Variants in ASTN2 observed in about 807,000 individuals in gnomAD.
The protein encoded by ASTN2 is astrotactin 2.
In ASTN2, 54 loss-of-function variants were observed where a neutral mutation model predicts 139.8. The observed-to-expected ratio is 0.39, with a 90% confidence interval of 0.31 to 0.48. ASTN2 has a LOEUF of 0.48. Ranked by LOEUF, ASTN2 falls within the 20% of genes least tolerant of loss-of-function variation. The pLI, the probability that ASTN2 is intolerant of heterozygous loss-of-function variation, is 0.95. For missense variants in ASTN2, 1,565 were observed against 1,725.1 expected, an observed-to-expected ratio of 0.91 and a Z score of 1.64; for synonymous variants, 756 against 719.5, an observed-to-expected ratio of 1.05 and a Z score of -0.81.
chr9:117,324,188 G>A (rs543527961), intron 1 of ASTN2, among the ~76,000 whole-genome samples: 1 of 152,302 alleles, frequency 6.6e-6, no homozygotes, highest in Non-Finnish European at 1.5e-5. Flanking sequence ...GCTATAGGAT[G>A]AGTAGAATTT....
chr9:116,880,968 G>T (rs746528312), intron 10 of ASTN2, among the ~76,000 whole-genome samples: 6 of 152,202 alleles, frequency 3.9e-5, no homozygotes, highest in Non-Finnish European at 7.3e-5. Flanking sequence ...TCCTCAAAAT[G>T]AAGCGATGAC....
At chr9:116,821,010 T>C (rs1564286158) in intron 11 of ASTN2, among the ~76,000 whole-genome samples, 3 of 152,148 alleles carry the variant, frequency 2.0e-5, no homozygotes, top group African/African-American at 7.2e-5. Context: ...CTGCTTATAG[T>C]GTTGTGAGAA....
intron 16 of ASTN2, among the ~76,000 whole-genome samples, chr9:116,680,994 A>G (rs1438359254): frequency 6.6e-6 from 1 of 152,190 alleles, no homozygotes; most frequent in East Asian, 1.9e-4. Context: ...CACCACTCCT[A>G]TTCAACATAG....
At chr9:117,360,542 G>C (rs553738116) in intron 1 of ASTN2, among the ~76,000 whole-genome samples, 1 of 152,138 alleles carries the variant, frequency 6.6e-6, no homozygotes, top group Non-Finnish European at 1.5e-5. Context: ...TCCCACCCTC[G>C]TGGAGCTGCT....
chr9:116,874,453 A>G (rs1833245213), intron 10 of ASTN2, among the ~76,000 whole-genome samples: 1 of 152,164 alleles, frequency 6.6e-6, no homozygotes, highest in South Asian at 2.1e-4. Flanking sequence ...GAAGGAAGAG[A>G]AGAAGGGCAC....
intron 10 of ASTN2, among the ~76,000 whole-genome samples, chr9:116,953,140 A>G (rs774290127): frequency 8.5e-5 from 13 of 152,194 alleles, no homozygotes; most frequent in African/African-American, 1.2e-4. Flanking sequence ...ACTGAGGCAA[A>G]TAACAGCATT....
chr9:117,383,031 C>T (rs1165075484), intron 1 of ASTN2, among the ~76,000 whole-genome samples: 3 of 152,190 alleles, frequency 2.0e-5, no homozygotes, highest in African/African-American at 7.2e-5. Context: ...CTACTCAACT[C>T]TGCCAATATA....
chr9:116,502,455 G>C (rs1849897894), intron 19 of ASTN2, among the ~76,000 whole-genome samples: 1 of 151,798 alleles, frequency 6.6e-6, no homozygotes, highest in African/African-American at 2.4e-5. Flanking sequence ...GAGAAAGAGA[G>C]AGACATAGAT....
intron 12 of ASTN2, among the ~76,000 whole-genome samples, chr9:116,808,033 G>C (rs904835670): frequency 6.6e-6 from 1 of 151,928 alleles, no homozygotes; most frequent in African/African-American, 2.4e-5. Flanking sequence ...AGAATCACTT[G>C]AACCTGGGAA....
chr9:117,224,486 C>A (rs1218809478), intron 2 of ASTN2, among the ~76,000 whole-genome samples: 1 of 152,206 alleles, frequency 6.6e-6, no homozygotes, highest in African/African-American at 2.4e-5. Flanking sequence ...CAGCTGCATT[C>A]CTCCCATAGG....
intron 17 of ASTN2, among the ~76,000 whole-genome samples, chr9:116,644,224 A>C (rs1857480635): frequency 1.3e-5 from 2 of 152,180 alleles, no homozygotes; most frequent in Non-Finnish European, 2.9e-5. Context: ...TGGAGCCAAA[A>C]AGTGGAAATG....
intron 19 of ASTN2, among the ~76,000 whole-genome samples, chr9:116,507,352 G>A (rs191768773): frequency 1.3e-5 from 2 of 152,312 alleles, no homozygotes; most frequent in Admixed American, 6.5e-5. Context: ...TCCAGATGGA[G>A]AAACAGGCAC....
intron 19 of ASTN2, chr9:116,545,703 T>A (rs1852063115): frequency 6.6e-6 from 1 of 152,180 alleles, no homozygotes; most frequent in African/African-American, 2.4e-5. Context: ...AAATTCATAT[T>A]TTTTTCAGTG....
At chr9:116,994,170 C>A (rs1290003479) in intron 7 of ASTN2, among the ~76,000 whole-genome samples, 1 of 151,938 alleles carries the variant, frequency 6.6e-6, no homozygotes, top group Non-Finnish European at 1.5e-5. Context: ...AGCCAAATGA[C>A]AAATATGTTC....
At chr9:117,140,140 T>C (rs1181902550) in intron 4 of ASTN2, among the ~76,000 whole-genome samples, 2 of 152,198 alleles carry the variant, frequency 1.3e-5, no homozygotes, top group Non-Finnish European at 2.9e-5. Context: ...TTTAAGCTGT[T>C]TCTTGGAATA....
chr9:116,603,128 C>G (rs1350154446), intron 19 of ASTN2, among the ~76,000 whole-genome samples: 1 of 152,052 alleles, frequency 6.6e-6, no homozygotes, highest in Non-Finnish European at 1.5e-5. Flanking sequence ...TTTGACCAAG[C>G]AGGGAAATTA....
At chr9:117,225,339 C>A (rs1279038121) in intron 2 of ASTN2, among the ~76,000 whole-genome samples, 1 of 151,586 alleles carries the variant, frequency 6.6e-6, no homozygotes, top group Non-Finnish European at 1.5e-5. Flanking sequence ...GCAAATCCCA[C>A]TCTGAAGGAC....
chr9:116,737,610 CGTGTGTGTGT>C (rs57891581), intron 13 of ASTN2, among the ~76,000 whole-genome samples: 5,789 of 137,312 alleles, frequency 0.042, 404 homozygotes, highest in African/African-American at 0.15. Context: ...CATGTGCCAA[CGTGTGTGTGT>C]GTGTGTGTGT....
In ASTN2 at chr9:116,698,529, C is replaced by T. The variant is rs1008494540; in HGVS notation, c.2806+27242G>A. 2 of 1,613,760 alleles carry T rather than the reference C, an allele frequency of 1.2e-6. No homozygotes were observed. Among genetic ancestry groups the T allele is most frequent in the African/African-American group, 2.7e-5 (2 of 75,018 alleles). ...GGAGGAGACAGCTGATGAGGAGGAG[C>T]CAGAGCTCACTGCCAGCTTGCCTCG... On this transcript the variant is annotated intron_variant, in intron 16 of 22. Coordinates refer to ENST00000313400, the MANE Select transcript of ASTN2 (RefSeq NM_001365068.1). The surrounding 1 kb of genome is among the most constrained non-coding windows in gnomAD (Gnocchi z 4.4).
Sources: allele counts gnomAD v4.1 joint callset (sites outside exome capture counted in the v4.1 genomes callset), GRCh38; gene constraint gnomAD v4.1.1; non-coding constraint Gnocchi (gnomAD v3.1); transcripts MANE v1.5; gene names NCBI Gene and HGNC (gene_info 2026-07-23, HGNC 2026-07-21).